APBA2: variants seen among roughly 807,000 people sequenced by gnomAD.
The protein encoded by APBA2 is amyloid beta precursor protein binding family A member 2.
In APBA2, 30 loss-of-function variants were observed where a neutral mutation model predicts 75.0. The observed-to-expected ratio is 0.40, with a 90% CI of 0.30 to 0.54. The LOEUF is 0.54. APBA2 is among the 20% of genes least tolerant of loss of function. The probability of loss-of-function intolerance (pLI) is 0.49; values close to 1 mark genes in which losing one functional copy is unlikely to be tolerated. For missense variants in APBA2, 801 were observed against 1,016.1 expected (o/e 0.79, Z 2.88); for synonymous variants, 444 against 409.6 (o/e 1.08, Z -1.01).
At chr15:28,936,952 C>A (rs1292073010) in intron 2 of APBA2, among the ~76,000 whole-genome samples, 6 of 152,290 alleles carry the variant, frequency 3.9e-5, no homozygotes, top group Middle Eastern at 3.4e-3. Flanking sequence ...TAGTCTCCCT[C>A]CCTCCAGTCT....
At position 28,911,911 on chromosome 15, in the gene APBA2, C is replaced by T. The variant is rs147726239; in HGVS notation, c.-204-9729C>T. Among the ~76,000 whole-genome samples, 886 of 152,312 alleles carry T rather than the reference C, an allele frequency of 5.8e-3. 10 individuals are homozygous for T. Among genetic ancestry groups the T allele is most frequent in the Non-Finnish European group, 9.3e-3 (633 of 68,026 alleles). On this transcript the variant is annotated intron_variant, in intron 1 of 14. Transcript: ENST00000683413. The stretch of plus-strand genomic sequence containing the variant: ...TTTGCAGTGAGCTGCTGAAGCCAGA[C>T]GTCACTAGAGTAATTTGGATTAGTG...
At chr15:28,904,220 T>G (rs1375272918) in intron 1 of APBA2, among the ~76,000 whole-genome samples, 1 of 152,190 alleles carries the variant, frequency 6.6e-6, no homozygotes, top group African/African-American at 2.4e-5. Flanking sequence ...TCCTGTTGTT[T>G]GCCCACGATT....
chr15:28,995,592 G>A (rs1305865087), intron 2 of APBA2, among the ~76,000 whole-genome samples, 161 bp from the exon 3 acceptor site: 1 of 152,028 alleles, frequency 6.6e-6, no homozygotes, highest in East Asian at 1.9e-4. Context: ...ATTTGTTTAG[G>A]GTAATTTCTG....
intron 3 of APBA2, among the ~76,000 whole-genome samples, chr15:29,045,524 G>A (rs2041280368): frequency 6.6e-6 from 1 of 152,134 alleles, no homozygotes; most frequent in Non-Finnish European, 1.5e-5. Context: ...TGGGGGCGAT[G>A]CAAACATTCA....
intron 4 of APBA2, among the ~76,000 whole-genome samples, chr15:29,056,012 G>T (rs548609039): frequency 1.3e-5 from 2 of 152,270 alleles, no homozygotes; most frequent in East Asian, 3.9e-4. Flanking sequence ...TGTTTCTTTG[G>T]TCTTTAGCAG....
At chr15:28,943,608 C>T (rs931712289) in intron 2 of APBA2, among the ~76,000 whole-genome samples, 8 of 152,344 alleles carry the variant, frequency 5.3e-5, no homozygotes, top group South Asian at 2.1e-4. Flanking sequence ...CCATCCCGAG[C>T]GTGACCATTC....
At position 29,054,850 on chromosome 15, in the gene APBA2, G is replaced by A. The variant is rs750720205; in HGVS notation, c.951+15G>A. 6.3e-7 allele frequency: 1 copy of A among 1,592,710 alleles called. No homozygotes were observed. Among genetic ancestry groups the A allele is most frequent in the South Asian group, 1.1e-5 (1 of 89,928 alleles). ...CCCACGAGCAGGTAGGACCCTGGCTGTCCTGGGGAAGGGAGCAGAGGGGCC... is the reference window on the plus strand; with the variant it reads ...CCCACGAGCAGGTAGGACCCTGGCTATCCTGGGGAAGGGAGCAGAGGGGCC... On this transcript the variant is annotated intron_variant, in intron 4 of 14. Coordinates refer to ENST00000683413, the MANE Select transcript of APBA2 (RefSeq NM_001353788.2). The surrounding 1 kb of genome is among the most constrained non-coding windows in gnomAD (Gnocchi z 6.1).
intron 3 of APBA2, among the ~76,000 whole-genome samples, chr15:29,018,120 C>T (rs1209938389): frequency 6.6e-6 from 1 of 152,066 alleles, no homozygotes; most frequent in African/African-American, 2.4e-5. Flanking sequence ...GTCTCAGGGC[C>T]ATTGGATGAA....
At chr15:28,966,644 A>G (rs1482004831) in intron 2 of APBA2, among the ~76,000 whole-genome samples, 2 of 152,122 alleles carry the variant, frequency 1.3e-5, no homozygotes, top group African/African-American at 4.8e-5. Flanking sequence ...AATGTCTGTT[A>G]TTTGATGTAG....
At chr15:29,116,652 G>A (rs938093195) in intron 14 of APBA2, among the ~76,000 whole-genome samples, 1 of 151,414 alleles carries the variant, frequency 6.6e-6, no homozygotes, top group African/African-American at 2.4e-5. Flanking sequence ...AAGAAGGGGT[G>A]CGTGTGTCTT....
intron 6 of APBA2, among the ~76,000 whole-genome samples, chr15:29,077,887 A>G (rs914434269): frequency 1.3e-5 from 2 of 152,232 alleles, no homozygotes; most frequent in African/African-American, 4.8e-5. Context: ...ACCCTAGAAT[A>G]TAATGGATAT....
chr15:29,048,616 G>A (rs1346082285), intron 3 of APBA2, among the ~76,000 whole-genome samples: 1 of 151,938 alleles, frequency 6.6e-6, no homozygotes, highest in African/African-American at 2.4e-5. Flanking sequence ...GAAAGTCCAG[G>A]GACAGATCTA....
At chr15:29,020,392 C>T (rs952807790) in intron 3 of APBA2, among the ~76,000 whole-genome samples, 1 of 151,528 alleles carries the variant, frequency 6.6e-6, no homozygotes, top group Non-Finnish European at 1.5e-5. Context: ...CATTCTTTTC[C>T]TTTTTCTTAG....
chr15:29,089,096 A>C (rs2043429851), intron 6 of APBA2, among the ~76,000 whole-genome samples: 1 of 152,026 alleles, frequency 6.6e-6, no homozygotes, highest in Non-Finnish European at 1.5e-5. Context: ...TTGAGCATTC[A>C]CCATGGCCCA....
rs1026729280 is a variant in APBA2, at chr15:29,092,968, G to A, written c.1070-107G>A. 18 of 1,455,098 alleles carry A rather than the reference G, an allele frequency of 1.2e-5. 1 individual carries two copies. The South Asian group carries it at 2.1e-4, about 17-fold the overall frequency. 90.1% of individuals were successfully genotyped at this position (1,455,098 alleles called of 1,614,324 possible). On this transcript the variant is annotated intron_variant, in intron 6 of 14. Coordinates refer to ENST00000683413, the MANE Select transcript of APBA2 (RefSeq NM_001353788.2). ...GGCAATGGTTGGGCCCTTCTAGTTT[G>A]CCCCGCATCCTGGCTGCCGTGTTCC... is the stretch of plus-strand genomic sequence containing the variant.
At chr15:29,112,568 C>T (rs1042113461) in intron 13 of APBA2, among the ~76,000 whole-genome samples, 6 of 152,170 alleles carry the variant, frequency 3.9e-5, no homozygotes, top group Non-Finnish European at 4.4e-5. Context: ...TAAGAGGGCC[C>T]TGGGGTGGCG....
intron 4 of APBA2, among the ~76,000 whole-genome samples, chr15:29,064,835 A>C (rs116751101): frequency 3.3e-5 from 5 of 152,110 alleles, no homozygotes; most frequent in Non-Finnish European, 7.4e-5. Flanking sequence ...GAGATATCTT[A>C]CTGGGGAAGA....
chr15:28,976,237 C>T (rs58998675), intron 2 of APBA2, among the ~76,000 whole-genome samples: 6,330 of 152,278 alleles, frequency 0.042, 262 homozygotes, highest in East Asian at 0.16. Flanking sequence ...TGAAGAGCAG[C>T]TTGGGGCTTT....
chr15:29,115,305 A>C (rs12050880), intron 14 of APBA2, among the ~76,000 whole-genome samples: 130,109 of 151,306 alleles, frequency 0.86, 56,141 homozygotes, highest in Middle Eastern at 0.94. Context: ...TGAGGTCTCC[A>C]GGAGCCACAT....
Sources: gnomAD v4.1 joint callset for allele counts (sites outside exome capture counted in the v4.1 genomes callset) on GRCh38, gnomAD v4.1.1 for gene constraint, Gnocchi (gnomAD v3.1) non-coding constraint, MANE v1.5 for transcripts, NCBI Gene and HGNC (gene_info 2026-07-23, HGNC 2026-07-21) for gene names.